The following DMXL2 variants were observed in gnomAD, a reference collection of about 807,000 sequenced individuals.
DMXL2 encodes the protein Dmx like 2.
DMXL2 carries 103 observed loss-of-function variants against 331.1 expected under a neutral mutation model. The ratio of observed to expected loss-of-function variants is 0.31; its 90% CI spans 0.27 to 0.37. The LOEUF (loss-of-function observed/expected upper bound fraction) is 0.37. Among genes scored for constraint, DMXL2 ranks in the 10% least tolerant of loss-of-function variants. DMXL2 has a pLI of 1.00. For missense variants in DMXL2, 3,171 were observed against 3,642.9 expected, an observed-to-expected ratio of 0.87 and a Z score of 3.33; for synonymous variants, 1,281 against 1,252.1, an observed-to-expected ratio of 1.02 and a Z score of -0.49.
intron 1 of DMXL2, among the ~76,000 whole-genome samples, chr15:51,586,530 T>C (rs571129787): frequency 2.9e-4 from 44 of 152,278 alleles, no homozygotes; most frequent in Non-Finnish European, 1.9e-4. Flanking sequence ...AAGAACTTTC[T>C]TTATAAAAGT....
In DMXL2 at chr15:51,465,591, A is replaced by T. The variant is rs1160241264; in HGVS notation, c.7581T>A (p.Phe2527Leu). 6.2e-7 allele frequency: 1 copy of T among 1,607,914 alleles called. No homozygotes were observed. The highest frequency in any genetic ancestry group is 1.7e-5 in the Admixed American group (1 of 58,804). ...CAGAGAATTCCAGTCCAGCAATAGG[A>T]AAGAAATTCTTGACATTGTGAAGTG... ...KLALHNVKNF[F>L]PIAGLEFSEL... is the part of the protein sequence containing the mutation. Residue 2527 changes from phenylalanine to leucine, a missense_variant, in exon 31 of 44, where the codon TTT (phenylalanine) becomes TTA (leucine). Physicochemically the swap from Phe to Leu is conservative, Grantham distance 22 (BLOSUM62 0). Transcript: ENST00000560891.
In DMXL2 at chr15:51,486,215, T is replaced by A. The variant is rs78309240; in HGVS notation, c.5340A>T (p.Gln1780His). 3.8e-4 allele frequency: 606 copies of A among 1,614,078 alleles called. 11 individuals carry two copies. In the East Asian group the frequency reaches 0.012, roughly 32 times the overall value. ...TGCAACTGAATCCTGAGCCATCCTT[T>A]TGGCAACCCAAAATCTTCTGATTTA... ...SILNQKILGC[Q>H]KDGSGFSCKR... is the part of the protein sequence containing the mutation. Residue 1780 changes from glutamine (Q) to histidine (H), a missense_variant, in exon 23 of 44, where the codon CAA becomes CAT. Coordinates refer to ENST00000560891, the MANE Select transcript of DMXL2 (RefSeq NM_001378457.1).
chr15:51,566,581 A>G (rs554654526), intron 3 of DMXL2, among the ~76,000 whole-genome samples: 48 of 152,274 alleles, frequency 3.2e-4, no homozygotes, highest in Admixed American at 6.5e-4. Context: ...GTGACTCTTA[A>G]GTAGTCCAAA....
At chr15:51,562,599 G>T (rs1396642756) in intron 6 of DMXL2, among the ~76,000 whole-genome samples, 1 of 152,018 alleles carries the variant, frequency 6.6e-6, no homozygotes, top group Non-Finnish European at 1.5e-5. Flanking sequence ...TCCTATGTGG[G>T]ATTATACTGA....
chr15:51,619,371 C>T (rs765402763), intron 1 of DMXL2, among the ~76,000 whole-genome samples: 2 of 152,154 alleles, frequency 1.3e-5, no homozygotes, highest in African/African-American at 2.4e-5. Flanking sequence ...GCTACATTTA[C>T]GAAATCACAA....
At chr15:51,463,857 AAC>A (rs1306463733) in intron 32 of DMXL2, among the ~76,000 whole-genome samples, 1 of 152,184 alleles carries the variant, frequency 6.6e-6, no homozygotes, top group Non-Finnish European at 1.5e-5. Context: ...TACCGATTCT[AAC>A]AGCCTAACAA....
intron 1 of DMXL2, among the ~76,000 whole-genome samples, chr15:51,622,091 A>G (rs2054674576): frequency 6.6e-6 from 1 of 151,560 alleles, no homozygotes. Flanking sequence ...CTTCGCCTCC[A>G]CGCCGAGAGC....
At chr15:51,586,522 G>A (rs1247128213) in intron 1 of DMXL2, among the ~76,000 whole-genome samples, 1 of 151,238 alleles carries the variant, frequency 6.6e-6, no homozygotes, top group East Asian at 2.0e-4. Context: ...CTGAAAGAAA[G>A]AACTTTCTTT....
At chr15:51,607,158 C>G (rs985249596) in intron 1 of DMXL2, among the ~76,000 whole-genome samples, 6 of 143,106 alleles carry the variant, frequency 4.2e-5, no homozygotes, top group African/African-American at 1.6e-4. Context: ...AGACTCTGCC[C>G]CCACCAAAAA....
In DMXL2 at chr15:51,564,430, G is replaced by T. The variant is rs74016403; in HGVS notation, c.365-170C>A. On this transcript the variant is annotated intron_variant, in intron 4 of 43. Transcript: ENST00000560891. The stretch of plus-strand genomic sequence containing the variant: ...TTTTAAAGTCCCTTATAAGAAAAAA[G>T]AATCTTCTGGACAACAAAGATTCTT... Among the ~76,000 whole-genome samples the T allele has an allele frequency of 6.6e-3, 1,004 of 151,944 alleles. 17 individuals carry two copies. Among genetic ancestry groups the T allele is most frequent in the African/African-American group, 0.023 (967 of 41,494 alleles).
chr15:51,534,103 C>T (rs763003886), intron 13 of DMXL2, among the ~76,000 whole-genome samples: 3 of 152,040 alleles, frequency 2.0e-5, no homozygotes, highest in Non-Finnish European at 2.9e-5. Context: ...GGAAAGACTT[C>T]GGGATATTGA....
chr15:51,496,715 T>C lies in DMXL2; in HGVS notation c.4673-1581A>G, dbSNP rs141945274. Among the ~76,000 whole-genome samples, 716 of 152,302 alleles carry C rather than the reference T, an allele frequency of 4.7e-3. 9 individuals are homozygous for C. The highest frequency in any genetic ancestry group is 0.016 in the African/African-American group (675 of 41,572). On this transcript the variant is annotated intron_variant, in intron 18 of 43. Coordinates refer to ENST00000560891, the MANE Select transcript of DMXL2 (RefSeq NM_001378457.1). ...GTAGTAACTGCAGAGGTAATGAGAATTGATTATTGGATTCTGGATATTAAT... is the reference window on the plus strand; with the variant it reads ...GTAGTAACTGCAGAGGTAATGAGAACTGATTATTGGATTCTGGATATTAAT...
Position 51,488,404 on chromosome 15 carries a change from A to AT in DMXL2, c.5051+143dup, listed in dbSNP as rs200527676. ...ATTAAGCTGAAAAGATATTTTACCC[A>AT]TTTTTTTCAGCTAAAGGAACCAGGT... On this transcript the variant is annotated intron_variant, in intron 21 of 43. Transcript: ENST00000560891. 1,399 of 786,038 alleles carry AT rather than the reference A, an allele frequency of 1.8e-3. 13 individuals are homozygous for AT. The African/African-American group carries it at 0.023, about 13-fold the overall frequency. 48.7% of individuals were successfully genotyped at this position (786,038 alleles called of 1,614,324 possible). A position where few individuals can be genotyped will look rare whatever the true frequency, so the allele number is the denominator to read the frequency against.
In DMXL2 at chr15:51,486,104, T is replaced by C. The variant is rs777925964; in HGVS notation, c.5451A>G (p.Glu1817=). 6 of 1,612,080 alleles carry C rather than the reference T, an allele frequency of 3.7e-6. No homozygotes were observed. The East Asian group carries it at 8.9e-5, about 24-fold the overall frequency. Residue 1817 remains glutamate (E), a synonymous_variant, in exon 23 of 44, where the codon GAA becomes GAG. Transcript: ENST00000560891. ...DYTRALDTLL[E]QTPKEDDEHQ... is the part of the protein sequence containing the mutation. ...GTTCATCATCCTCCTTTGGTGTTTG[T>C]TCCAGTAATGTGTCCAAGGCTCGGG...
At chr15:51,489,645 ACT>A (rs930218718) in intron 20 of DMXL2, among the ~76,000 whole-genome samples, 12 of 151,526 alleles carry the variant, frequency 7.9e-5, no homozygotes, top group African/African-American at 2.7e-4. Flanking sequence ...ACAGTGCAAG[ACT>A]CTGTCTCAAA....
chr15:51,468,161 G>GAAAC (rs1375917771), intron 29 of DMXL2, among the ~76,000 whole-genome samples: 1 of 152,174 alleles, frequency 6.6e-6, no homozygotes, highest in Middle Eastern at 3.2e-3. Context: ...TGCTTATCTA[G>GAAAC]AAACAATGAT....
rs150767140 is a variant in DMXL2 at position 51,591,616 on chromosome 15, C to T, written c.88-15435G>A. On this transcript the variant is annotated intron_variant, in intron 1 of 43. Coordinates refer to ENST00000560891, the MANE Select transcript of DMXL2 (RefSeq NM_001378457.1). ...CAGCACTCAGCTGGACATCTGAGAA[C>T]GGACAGACTGCCTCCTCAAGTGGGT... is the stretch of plus-strand genomic sequence containing the variant. Among the ~76,000 whole-genome samples, 415 of 152,304 alleles carry T rather than the reference C, an allele frequency of 2.7e-3. 18 individuals carry two copies. The East Asian group carries it at 0.061, about 22-fold the overall frequency.
chr15:51,490,183 A>G (rs2042693829), intron 20 of DMXL2, among the ~76,000 whole-genome samples: 1 of 152,216 alleles, frequency 6.6e-6, no homozygotes, highest in Non-Finnish European at 1.5e-5. Context: ...TTTTGTTGGC[A>G]GCCTTACACG....
chr15:51,542,398 T>C lies in DMXL2; in HGVS notation c.1040A>G (p.His347Arg). 6.2e-7 allele frequency: 1 copy of C among 1,613,844 alleles called. No homozygotes were observed. Among genetic ancestry groups the C allele is most frequent in the Non-Finnish European group, 8.5e-7 (1 of 1,179,834 alleles). The stretch of plus-strand genomic sequence containing the variant: ...GAGTGCATTTGCATGGTGGGAAATG[T>C]GTCTTTGAACTTCATGCATTGCTGT... ...DQTAMHEVQR[H>R]ISHHANALCH... The change falls in exon 9 of 44, where the codon CAC becomes CGC. Residue 347 changes from histidine (H) to arginine (R), a missense_variant. Coordinates refer to ENST00000560891, the MANE Select transcript of DMXL2 (RefSeq NM_001378457.1).
Sources: gnomAD v4.1 joint callset for allele counts (sites outside exome capture counted in the v4.1 genomes callset) on GRCh38, gnomAD v4.1.1 for gene constraint, MANE v1.5 for transcripts, NCBI Gene and HGNC (gene_info 2026-07-23, HGNC 2026-07-21) for gene names.